The following EIF2B3 variants were observed in gnomAD, a reference collection of about 807,000 sequenced individuals.
The protein encoded by EIF2B3 is eukaryotic translation initiation factor 2B subunit gamma.
EIF2B3 carries 20 observed loss-of-function variants against 54.1 expected under a neutral mutation model. That is an observed-to-expected ratio of 0.37 (90% CI 0.26 to 0.54). The LOEUF (loss-of-function observed/expected upper bound fraction) is 0.54. Among genes scored for constraint, EIF2B3 ranks in the 20% least tolerant of loss-of-function variants. The pLI, the probability that EIF2B3 is intolerant of heterozygous loss-of-function variation, is 0.86. For synonymous variants in EIF2B3, 153 were observed against 188.1 expected (o/e 0.81, Z 1.52); for missense variants, 448 against 547.8 (o/e 0.82, Z 1.82).
intron 3 of EIF2B3, among the ~76,000 whole-genome samples, chr1:44,976,404 AC>A (rs1257833670): frequency 5.3e-5 from 8 of 152,316 alleles, no homozygotes; most frequent in Non-Finnish European, 4.4e-5. Flanking sequence ...AGATACCACT[AC>A]ATACATACCT....
intron 5 of EIF2B3, among the ~76,000 whole-genome samples, chr1:44,919,845 T>G (rs1420120301): frequency 6.7e-6 from 1 of 148,166 alleles, no homozygotes; most frequent in Non-Finnish European, 1.5e-5. Flanking sequence ...GCCTCCCAAG[T>G]AGCTGGGATT....
chr1:44,967,849 C>A (rs147395135), intron 3 of EIF2B3, among the ~76,000 whole-genome samples: 2 of 151,330 alleles, frequency 1.3e-5, no homozygotes, highest in African/African-American at 2.4e-5. Flanking sequence ...ACCAGCCTGG[C>A]CAACAGGGTG....
intron 5 of EIF2B3, among the ~76,000 whole-genome samples, chr1:44,915,306 A>C (rs921434158): frequency 6.6e-6 from 1 of 152,050 alleles, no homozygotes; most frequent in Non-Finnish European, 1.5e-5. Flanking sequence ...TCTCAAAAAA[A>C]AAAAATTATT....
intron 10 of EIF2B3, among the ~76,000 whole-genome samples, chr1:44,865,019 A>C (rs1654723510): frequency 6.6e-6 from 1 of 152,180 alleles, no homozygotes; most frequent in Admixed American, 6.5e-5. Flanking sequence ...AGAGTTCAAG[A>C]CCAGCCTGAT....
At chr1:44,902,443 ATGATTGCAC>A (rs1643324788) in intron 5 of EIF2B3, among the ~76,000 whole-genome samples, 1 of 152,122 alleles carries the variant, frequency 6.6e-6, no homozygotes, top group African/African-American at 2.4e-5. Context: ...GCAGTGAGCT[ATGATTGCAC>A]TACTGCACCC....
intron 3 of EIF2B3, among the ~76,000 whole-genome samples, chr1:44,958,060 G>A (rs1478973150): frequency 6.6e-6 from 1 of 152,158 alleles, no homozygotes; most frequent in Non-Finnish European, 1.5e-5. Context: ...CCAACCATAG[G>A]AGTTGGTTGA....
intron 8 of EIF2B3, among the ~76,000 whole-genome samples, chr1:44,879,403 C>G (rs946708869): frequency 2.6e-5 from 4 of 152,224 alleles, no homozygotes; most frequent in African/African-American, 9.7e-5. Flanking sequence ...TCTGGCCACT[C>G]TATACTCTGC....
At chr1:44,853,449 A>T (rs11589147) in intron 11 of EIF2B3, among the ~76,000 whole-genome samples, 13,265 of 152,168 alleles carry the variant, frequency 0.087, 859 homozygotes, top group Non-Finnish European at 0.14. Flanking sequence ...CTCTACAAAA[A>T]ATAAAAATAT....
At chr1:44,892,754 C>T (rs1314766776) in intron 6 of EIF2B3, among the ~76,000 whole-genome samples, 1 of 152,196 alleles carries the variant, frequency 6.6e-6, no homozygotes, top group Non-Finnish European at 1.5e-5. Flanking sequence ...CCTGCATCTT[C>T]AGATATCAGT....
At chr1:44,902,360 T>C (rs901856831) in intron 5 of EIF2B3, among the ~76,000 whole-genome samples, 3 of 152,170 alleles carry the variant, frequency 2.0e-5, no homozygotes, top group South Asian at 2.1e-4. Context: ...GAGATTCTAA[T>C]AGGGTTTGTG....
chr1:44,945,283 G>A (rs942162191), intron 3 of EIF2B3, among the ~76,000 whole-genome samples: 9 of 151,504 alleles, frequency 5.9e-5, no homozygotes, highest in African/African-American at 1.7e-4. Context: ...CACTGGGCGC[G>A]GTGGCTCACA....
intron 8 of EIF2B3, among the ~76,000 whole-genome samples, chr1:44,876,396 G>A (rs1412872321): frequency 1.5e-5 from 2 of 129,924 alleles, no homozygotes; most frequent in African/African-American, 3.0e-5. Flanking sequence ...GCCTGGCCGC[G>A]ACCCTGTCTG....
Position 44,942,421 on chromosome 1 carries a change from T to A in EIF2B3, c.295-756A>T, listed in dbSNP as rs866719834. 7.4e-3 allele frequency among the ~76,000 whole-genome samples: 320 copies of A among 43,166 alleles called. 32 individuals carry two copies. Among genetic ancestry groups the A allele is most frequent in the African/African-American group, 0.023 (194 of 8,296 alleles). The allele number at this position is 43,166 out of a possible 152,430, so 28.3% of individuals were successfully genotyped here. On this transcript the variant is annotated intron_variant, in intron 3 of 11. Transcript: ENST00000360403. Reference sequence around the variant, plus strand: ...TATATATATATATATATATATATTTTTTTTTTTTTTTTTTTTTTTTTTTCC... The same window carrying A: ...TATATATATATATATATATATATTTATTTTTTTTTTTTTTTTTTTTTTTCC...
intron 3 of EIF2B3, among the ~76,000 whole-genome samples, chr1:44,959,841 T>A (rs1372029324): frequency 2.5e-4 from 38 of 152,248 alleles, no homozygotes; most frequent in Non-Finnish European, 1.0e-4. Context: ...TTGTTTCAAC[T>A]CTGGGCTGTT....
intron 8 of EIF2B3, among the ~76,000 whole-genome samples, chr1:44,879,156 T>C (rs967361172): frequency 2.0e-5 from 3 of 152,218 alleles, no homozygotes; most frequent in Admixed American, 2.0e-4. Flanking sequence ...CTGGGCCTAC[T>C]ATACAATACA....
chr1:44,961,267 T>C (rs1204268031), intron 3 of EIF2B3, among the ~76,000 whole-genome samples: 2 of 143,542 alleles, frequency 1.4e-5, no homozygotes, highest in African/African-American at 2.6e-5. Flanking sequence ...CAGTGAGCCA[T>C]GATCATGCCA....
chr1:44,851,185 C>A (rs893473114), intron 11 of EIF2B3, among the ~76,000 whole-genome samples, 182 bp from the exon 12 acceptor site: 4 of 152,088 alleles, frequency 2.6e-5, no homozygotes, highest in Non-Finnish European at 5.9e-5. Context: ...CTGCCTCAGC[C>A]TCCTGAGTAG....
At chr1:44,878,894 G>A (rs1388476549) in intron 8 of EIF2B3, among the ~76,000 whole-genome samples, 1 of 151,680 alleles carries the variant, frequency 6.6e-6, no homozygotes, top group Non-Finnish European at 1.5e-5. Context: ...AAGTAACTGG[G>A]ACTACAGCCA....
At chr1:44,943,210 C>T (rs543270568) in intron 3 of EIF2B3, among the ~76,000 whole-genome samples, 4 of 151,326 alleles carry the variant, frequency 2.6e-5, no homozygotes, top group Non-Finnish European at 5.9e-5. Flanking sequence ...GAGACAGGGT[C>T]TCACTATGTT....
Sources: allele counts gnomAD v4.1 joint callset (sites outside exome capture counted in the v4.1 genomes callset), GRCh38; gene constraint gnomAD v4.1.1; transcripts MANE v1.5; gene names NCBI Gene and HGNC (gene_info 2026-07-23, HGNC 2026-07-21).